TMTC1: variants seen among roughly 807,000 people sequenced by gnomAD.
The protein encoded by TMTC1 is protein O-mannosyl-transferase TMTC1.
TMTC1 carries 73 observed loss-of-function variants against 104.8 expected under a neutral mutation model. That is an observed-to-expected ratio of 0.70 (90% CI 0.58 to 0.85). TMTC1 has a LOEUF of 0.85. Among genes scored for constraint, TMTC1 ranks in the 40% least tolerant of loss-of-function variants. TMTC1 has a pLI of 0.00. For synonymous variants in TMTC1, 434 were observed against 428.7 expected (o/e 1.01, Z -0.15); for missense variants, 1,035 against 1,096.1 (o/e 0.94, Z 0.79).
At chr12:29,599,870 A>G (rs909581186) in intron 7 of TMTC1, among the ~76,000 whole-genome samples, 1 of 151,586 alleles carries the variant, frequency 6.6e-6, no homozygotes, top group Non-Finnish European at 1.5e-5. Context: ...TCAGGATGTC[A>G]TTGAGTACAC....
rs112425747 is a variant in TMTC1 at position 29,659,463 on chromosome 12, C to T, written c.939-26127G>A. 6.4e-3 allele frequency among the ~76,000 whole-genome samples: 970 copies of T among 152,278 alleles called. 12 individuals are homozygous for T. Among genetic ancestry groups the T allele is most frequent in the African/African-American group, 0.023 (938 of 41,544 alleles). ...GCTCTCTCTCTTGCTTCCTCTCTCT[C>T]TATGTGATCACTGCACACAGTCAGC... On this transcript the variant is annotated intron_variant, in intron 5 of 17. Transcript: ENST00000539277.
At chr12:29,545,071 C>T in intron 10 of TMTC1, among the ~76,000 whole-genome samples, 1 of 152,100 alleles carries the variant, frequency 6.6e-6, no homozygotes, top group East Asian at 1.9e-4. Context: ...GCAATAAATG[C>T]TAACTCCACT....
At chr12:29,697,692 G>A (rs1941464830) in intron 5 of TMTC1, among the ~76,000 whole-genome samples, 1 of 152,180 alleles carries the variant, frequency 6.6e-6, no homozygotes, top group African/African-American at 2.4e-5. Context: ...CCCAGGGTCT[G>A]AGTGTGAAGG....
intron 2 of TMTC1, among the ~76,000 whole-genome samples, chr12:29,763,511 G>C (rs1943398070): frequency 6.6e-6 from 1 of 152,170 alleles, no homozygotes; most frequent in African/African-American, 2.4e-5. Context: ...CTTCCTCTTA[G>C]CTACATCCTG....
intron 5 of TMTC1, among the ~76,000 whole-genome samples, chr12:29,664,926 G>C (rs116171709): frequency 6.6e-6 from 1 of 152,126 alleles, no homozygotes; most frequent in Non-Finnish European, 1.5e-5. Context: ...GAAACCAACA[G>C]AATGAGAACT....
intron 10 of TMTC1, among the ~76,000 whole-genome samples, chr12:29,554,841 T>A (rs1378450113): frequency 6.6e-6 from 1 of 152,140 alleles, no homozygotes; most frequent in African/African-American, 2.4e-5. Flanking sequence ...CAAGACTCTG[T>A]CTCAAATATA....
chr12:29,676,504 A>T (rs528421772), intron 5 of TMTC1, among the ~76,000 whole-genome samples: 1 of 152,224 alleles, frequency 6.6e-6, no homozygotes, highest in African/African-American at 2.4e-5. Flanking sequence ...GGAGAGAATC[A>T]AACTCCAGAG....
chr12:29,602,869 C>T (rs1035004174), intron 7 of TMTC1, among the ~76,000 whole-genome samples: 1 of 152,060 alleles, frequency 6.6e-6, no homozygotes, highest in Non-Finnish European at 1.5e-5. Flanking sequence ...CAGAGGGGCT[C>T]TATGAATATC....
At chr12:29,656,130 A>G (rs141508532) in intron 5 of TMTC1, among the ~76,000 whole-genome samples, 81 of 152,200 alleles carry the variant, frequency 5.3e-4, no homozygotes, top group African/African-American at 1.8e-3. Flanking sequence ...TAGGAAACAG[A>G]CCAAGACAGT....
intron 7 of TMTC1, among the ~76,000 whole-genome samples, chr12:29,585,618 A>G (rs150275244): frequency 0.021 from 3,221 of 152,238 alleles, 57 homozygotes; most frequent in African/African-American, 0.052. Flanking sequence ...AATTTTTTGT[A>G]TAAGATGTAA....
intron 5 of TMTC1, among the ~76,000 whole-genome samples, chr12:29,692,222 T>A (rs1474773035): frequency 6.9e-6 from 1 of 145,632 alleles, no homozygotes; most frequent in East Asian, 2.3e-4. Context: ...CCCTTTCACA[T>A]AATCATACCA....
intron 4 of TMTC1, among the ~76,000 whole-genome samples, chr12:29,752,335 C>T (rs539131315): frequency 5.3e-5 from 8 of 152,088 alleles, no homozygotes; most frequent in African/African-American, 1.9e-4. Context: ...ATGTGAGTAA[C>T]TCACATAACC....
chr12:29,733,045 G>T (rs1050053776), intron 5 of TMTC1, among the ~76,000 whole-genome samples: 5 of 152,260 alleles, frequency 3.3e-5, no homozygotes, highest in African/African-American at 1.2e-4. Context: ...GCTCAAGAAA[G>T]ACCTGGATTC....
intron 5 of TMTC1, among the ~76,000 whole-genome samples, chr12:29,662,585 G>A (rs906066188): frequency 4.7e-5 from 7 of 149,436 alleles, no homozygotes; most frequent in African/African-American, 1.7e-4. Context: ...GGGAGGCGGA[G>A]GTTGCAGTGA....
chr12:29,685,632 C>A (rs776063771), intron 5 of TMTC1, among the ~76,000 whole-genome samples: 1 of 151,892 alleles, frequency 6.6e-6, no homozygotes, highest in Non-Finnish European at 1.5e-5. Context: ...AAAAACATAA[C>A]TTTCAACCAG....
intron 11 of TMTC1, chr12:29,534,729 C>T (rs1006444588): frequency 6.6e-6 from 1 of 152,156 alleles, no homozygotes; most frequent in African/African-American, 2.4e-5. Context: ...TCATTAAAAT[C>T]TTGATCATTT....
chr12:29,521,147 T>C, intron 11 of TMTC1: 1 of 171,262 alleles, frequency 5.8e-6, no homozygotes, highest in Admixed American at 6.0e-5. Flanking sequence ...CAGGGCAGTC[T>C]GGGGAATTTG....
At chr12:29,600,008 A>ATATTTT (rs59108744) in intron 7 of TMTC1, among the ~76,000 whole-genome samples, 4 of 118,686 alleles carry the variant, frequency 3.4e-5, no homozygotes, top group Non-Finnish European at 4.9e-5. Context: ...ATATATATAT[A>ATATTTT]TTTTTTTTTT....
chr12:29,645,590 T>C (rs1479125120), intron 5 of TMTC1, among the ~76,000 whole-genome samples: 1 of 152,122 alleles, frequency 6.6e-6, no homozygotes, highest in Non-Finnish European at 1.5e-5. Flanking sequence ...TACCCATATA[T>C]CTGCAAAAAA....
Sources: allele counts gnomAD v4.1 joint callset (sites outside exome capture counted in the v4.1 genomes callset), GRCh38; gene constraint gnomAD v4.1.1; transcripts MANE v1.5; gene names NCBI Gene and HGNC (gene_info 2026-07-23, HGNC 2026-07-21).